Variants in AGBL1 observed in about 807,000 individuals in gnomAD.
The protein encoded by AGBL1 is AGBL carboxypeptidase 1, also known as cytosolic carboxypeptidase 4.
In AGBL1, 130 loss-of-function variants were observed where a neutral mutation model predicts 118.9. That is an observed-to-expected ratio of 1.09 (90% CI 0.95 to 1.26). AGBL1 has a LOEUF of 1.26. Among genes scored for constraint, AGBL1 ranks in the 50% most tolerant of loss-of-function variants. AGBL1 has a pLI of 0.00. For missense variants in AGBL1, 1,584 were observed against 1,298.1 expected, an observed-to-expected ratio of 1.22 and a Z score of -3.38; for synonymous variants, 555 against 478.9, an observed-to-expected ratio of 1.16 and a Z score of -2.08.
chr15:86,222,759 A>G (rs1383854018), intron 5 of AGBL1, among the ~76,000 whole-genome samples: 1 of 152,194 alleles, frequency 6.6e-6, no homozygotes, highest in African/African-American at 2.4e-5. Context: ...ATTTCCAGCT[A>G]TATAATGTCA....
intron 18 of AGBL1, among the ~76,000 whole-genome samples, chr15:86,441,140 T>A (rs1481565033): frequency 1.3e-5 from 2 of 152,226 alleles, no homozygotes; most frequent in Non-Finnish European, 1.5e-5. Context: ...GCAAGAGCTG[T>A]ATTATAAAGG....
In AGBL1 at chr15:86,955,178, C is replaced by A. The variant is rs377452521; in HGVS notation, c.3222-32809C>A. 4.6e-5 allele frequency among the ~76,000 whole-genome samples: 7 copies of A among 151,868 alleles called. No homozygotes were observed. In the East Asian group the frequency reaches 1.4e-3, roughly 29 times the overall value. ...ATTTATATGTATATTTACTCCAGTA[C>A]AAATTTACTAAAAATAAAAATTTTA... is the stretch of plus-strand genomic sequence containing the variant. On this transcript the variant is annotated intron_variant, in intron 23 of 24. Transcript: ENST00000441037.
chr15:86,210,720 CT>C (rs971295214), intron 5 of AGBL1, among the ~76,000 whole-genome samples: 1 of 152,154 alleles, frequency 6.6e-6, no homozygotes, highest in African/African-American at 2.4e-5. Context: ...TTCGTCTAAT[CT>C]TTTTTCAAGG....
intron 22 of AGBL1, among the ~76,000 whole-genome samples, chr15:86,782,889 C>T (rs2078354262): frequency 6.6e-6 from 1 of 152,140 alleles, no homozygotes; most frequent in Non-Finnish European, 1.5e-5. Context: ...TGACAAGCCC[C>T]AAAGCTAACT....
At position 86,148,705 on chromosome 15, in the gene AGBL1, A is replaced by G. The variant is rs2077065129; in HGVS notation, c.262+4860A>G. On this transcript the variant is annotated intron_variant, in intron 3 of 22. Coordinates refer to ENST00000614907, the MANE Select transcript of AGBL1 (RefSeq NM_001386094.1). ...GGAACCAAGTTGGAAACCACTCTTCAGGATATTATCCAGGAGAACTTCCCC... is the reference window on the plus strand; with the variant it reads ...GGAACCAAGTTGGAAACCACTCTTCGGGATATTATCCAGGAGAACTTCCCC... Among the ~76,000 whole-genome samples, 3 of 152,356 alleles carry G rather than the reference A, an allele frequency of 2.0e-5. No individual in the cohort carries two copies. In the South Asian group the frequency reaches 6.2e-4, roughly 32 times the overall value.
intron 19 of AGBL1, among the ~76,000 whole-genome samples, chr15:86,540,797 T>A (rs1390235204): frequency 6.6e-6 from 1 of 152,152 alleles, no homozygotes; most frequent in East Asian, 1.9e-4. Flanking sequence ...TAACAGGCAT[T>A]TGTTTTCAGG....
intron 24 of AGBL1, among the ~76,000 whole-genome samples, chr15:87,010,408 G>T (rs1478333519): frequency 6.6e-6 from 1 of 152,130 alleles, no homozygotes; most frequent in East Asian, 1.9e-4. Flanking sequence ...CCCAGCCTCA[G>T]GTATGTCTTT....
chr15:86,586,858 AG>A (rs36111706), intron 21 of AGBL1, among the ~76,000 whole-genome samples: 53 of 152,182 alleles, frequency 3.5e-4, no homozygotes, highest in African/African-American at 1.2e-3. Flanking sequence ...GCTTAAGTTA[AG>A]GGGGGGTCTG....
At chr15:86,308,405 C>T (rs972710211) in intron 17 of AGBL1, among the ~76,000 whole-genome samples, 1 of 152,156 alleles carries the variant, frequency 6.6e-6, no homozygotes, top group African/African-American at 2.4e-5. Flanking sequence ...GAAGATGTGG[C>T]CATCTACAAG....
At chr15:86,317,779 AATAAAT>A (rs2080039004) in intron 17 of AGBL1, among the ~76,000 whole-genome samples, 1 of 152,240 alleles carries the variant, frequency 6.6e-6, no homozygotes, top group Non-Finnish European at 1.5e-5. Context: ...AGACATAGAC[AATAAAT>A]AAACAAATGG....
At position 86,737,187 on chromosome 15, in the gene AGBL1, A is replaced by G. The variant is rs141770829; in HGVS notation, c.3158+62751A>G. Among the ~76,000 whole-genome samples the G allele has an allele frequency of 9.9e-3, 1,502 of 152,284 alleles. 14 individuals are homozygous for G. The highest frequency in any genetic ancestry group is 0.049 in the South Asian group (234 of 4,822). ...GGAATGGAAGACAAGGCATGTTTTCAGTGACTGGGGGAAGGGAGCTGGAAG... is the reference window on the plus strand; with the variant it reads ...GGAATGGAAGACAAGGCATGTTTTCGGTGACTGGGGGAAGGGAGCTGGAAG... On this transcript the variant is annotated intron_variant, in intron 22 of 22. Coordinates refer to ENST00000614907, the MANE Select transcript of AGBL1 (RefSeq NM_001386094.1).
chr15:86,525,687 G>T (rs1390659840), intron 19 of AGBL1, among the ~76,000 whole-genome samples: 1 of 152,056 alleles, frequency 6.6e-6, no homozygotes, highest in African/African-American at 2.4e-5. Flanking sequence ...CTGGATCCCT[G>T]TCTCTCACCA....
chr15:86,565,779 C>A (rs950317558), intron 21 of AGBL1, among the ~76,000 whole-genome samples: 2 of 152,194 alleles, frequency 1.3e-5, no homozygotes, highest in African/African-American at 4.8e-5. Context: ...TGGGCTCCAC[C>A]CAGTTTGAGC....
intron 1 of AGBL1, among the ~76,000 whole-genome samples, chr15:86,136,411 G>C (rs2076889755): frequency 6.6e-6 from 1 of 152,166 alleles, no homozygotes; most frequent in Admixed American, 6.5e-5. Flanking sequence ...CACTTGGTGG[G>C]GCACCAATCA....
chr15:86,526,179 A>G (rs965294418), intron 19 of AGBL1, among the ~76,000 whole-genome samples: 17 of 152,132 alleles, frequency 1.1e-4, no homozygotes, highest in Admixed American at 2.0e-4. Context: ...ACTTTACGCC[A>G]GTAAGAATGG....
intron 21 of AGBL1, among the ~76,000 whole-genome samples, chr15:86,667,912 A>G (rs2085675392): frequency 6.6e-6 from 1 of 152,232 alleles, no homozygotes; most frequent in Admixed American, 6.5e-5. Flanking sequence ...TATTTGGCTT[A>G]CAGTTCTGCA....
intron 21 of AGBL1, among the ~76,000 whole-genome samples, chr15:86,629,091 C>A (rs544925758): frequency 6.6e-6 from 1 of 152,224 alleles, no homozygotes; most frequent in African/African-American, 2.4e-5. Flanking sequence ...CCAGAATTTA[C>A]TCATTTTATA....
chr15:86,156,491 C>T (rs2077192456), intron 4 of AGBL1, among the ~76,000 whole-genome samples: 1 of 152,178 alleles, frequency 6.6e-6, no homozygotes, highest in Admixed American at 6.5e-5. Context: ...CAGTCCTACT[C>T]CGAGGTACTG....
At chr15:86,184,317 T>A (rs943925629) in intron 5 of AGBL1, among the ~76,000 whole-genome samples, 2 of 152,188 alleles carry the variant, frequency 1.3e-5, no homozygotes, top group Non-Finnish European at 2.9e-5. Context: ...AGGTCCATAG[T>A]AATTCTGTCT....
Sources: gnomAD v4.1 joint callset for allele counts (sites outside exome capture counted in the v4.1 genomes callset) on GRCh38, gnomAD v4.1.1 for gene constraint, MANE v1.5 for transcripts, NCBI Gene and HGNC (gene_info 2026-07-23, HGNC 2026-07-21) for gene names.